Variants in ABL1 observed in about 807,000 individuals in gnomAD.
ABL1 encodes the protein tyrosine-protein kinase ABL1.
Under a neutral mutation model 94.7 loss-of-function variants are expected in ABL1, and 11 were observed. The ratio of observed to expected loss-of-function variants is 0.12; its 90% CI spans 0.07 to 0.19. The LOEUF (loss-of-function observed/expected upper bound fraction) is 0.19. Ranked by LOEUF, ABL1 falls within the 10% of genes least tolerant of loss-of-function variation. ABL1 has a pLI of 1.00. For synonymous variants in ABL1, 656 were observed against 622.4 expected (o/e 1.05, Z -0.80); for missense variants, 1,082 against 1,489.4 (o/e 0.73, Z 4.50).
chr9:130,873,638 T>A (rs531561951), intron 6 of ABL1, among the ~76,000 whole-genome samples: 4 of 152,264 alleles, frequency 2.6e-5, no homozygotes, highest in Non-Finnish European at 5.9e-5. Flanking sequence ...CTTTGCTGTT[T>A]TAAACCCTGA....
At chr9:130,768,681 G>T (rs182288060) in intron 1 of ABL1, among the ~76,000 whole-genome samples, 97 of 152,342 alleles carry the variant, frequency 6.4e-4, no homozygotes, top group African/African-American at 2.2e-3. Context: ...TTGAAGGAAC[G>T]AATTAGTGCA....
At chr9:130,713,582 C>T (rs2132660397) in exon 1 of ABL1, among the ~76,000 whole-genome samples, 1 of 152,332 alleles carries the variant, frequency 6.6e-6, no homozygotes, top group East Asian at 1.9e-4. Flanking sequence ...CTCCCCTTCC[C>T]CCAAGGTGGC....
chr9:130,735,214 G>C (rs375336188), intron 1 of ABL1, among the ~76,000 whole-genome samples: 2 of 151,992 alleles, frequency 1.3e-5, no homozygotes, highest in African/African-American at 4.8e-5. Context: ...ATTTTTAGTA[G>C]CGATGGGGTT....
At chr9:130,735,937 A>G (rs1472575965) in intron 1 of ABL1, among the ~76,000 whole-genome samples, 1 of 33,022 alleles carries the variant, frequency 3.0e-5, no homozygotes, top group Non-Finnish European at 5.0e-5. Context: ...GTGTGTGCAT[A>G]TATATATATA....
At position 130,868,591 on chromosome 9, in the gene ABL1, T is replaced by C. The variant is rs139609789; in HGVS notation, c.823-3538T>C. Among the ~76,000 whole-genome samples, 389 of 145,346 alleles carry C rather than the reference T, an allele frequency of 2.7e-3. 2 individuals carry two copies. Among genetic ancestry groups the C allele is most frequent in the African/African-American group, 9.7e-3 (379 of 39,020 alleles). The stretch of plus-strand genomic sequence containing the variant: ...CAGGCTGGAGTGCAGTGGCATGATC[T>C]CAGTTCACTGCAACGGCCTCCCAGG... On this transcript the variant is annotated intron_variant, in intron 4 of 10. Coordinates refer to ENST00000318560, the MANE Select transcript of ABL1 (RefSeq NM_005157.6).
chr9:130,834,830 C>T (rs1476070037), upstream of ABL1: 1 of 452,118 alleles, frequency 2.2e-6, no homozygotes, highest in East Asian at 7.1e-5. Flanking sequence ...AGAAATGAGA[C>T]CAGTTAGTAT....
intron 1 of ABL1, among the ~76,000 whole-genome samples, chr9:130,757,536 CTT>C (rs11411714): frequency 9.8e-6 from 1 of 101,888 alleles, no homozygotes; most frequent in Non-Finnish European, 1.8e-5. Flanking sequence ...TACTCCAGGC[CTT>C]TTTTTTTTTT....
chr9:130,785,257 C>T (rs1226046749), intron 1 of ABL1, among the ~76,000 whole-genome samples: 1 of 152,090 alleles, frequency 6.6e-6, no homozygotes, highest in Non-Finnish European at 1.5e-5. Flanking sequence ...TGCAAGATGC[C>T]CAGAAACACA....
chr9:130,805,393 A>G (rs941443922), intron 1 of ABL1, among the ~76,000 whole-genome samples: 1 of 152,198 alleles, frequency 6.6e-6, no homozygotes, highest in Non-Finnish European at 1.5e-5. Flanking sequence ...AACATTTTCA[A>G]AGTGGCACAT....
rs1188458463 is a variant in ABL1 at position 130,835,708 on chromosome 9, TTCTC to T, written c.79+187_79+190del. 6.6e-6 allele frequency among the ~76,000 whole-genome samples: 1 copy of T among 152,114 alleles called. No homozygotes were observed. Among genetic ancestry groups the T allele is most frequent in the Non-Finnish European group, 1.5e-5 (1 of 68,000 alleles). On this transcript the variant is annotated intron_variant, in intron 1 of 10. Coordinates refer to ENST00000318560, the MANE Select transcript of ABL1 (RefSeq NM_005157.6). This position sits in a 1 kb window ranked among gnomAD's most constrained non-coding sequence, Gnocchi z 4.6. ...TCTCTTATATTCTGTCTCTCTTTCT[TTCTC>T]TCTGTGTCTGTCTCTTTTCTCTTCT...
chr9:130,725,582 A>G (rs1039040563), intron 1 of ABL1, among the ~76,000 whole-genome samples: 3 of 151,432 alleles, frequency 2.0e-5, no homozygotes, highest in African/African-American at 7.3e-5. Flanking sequence ...GTTTCTCCAT[A>G]TTGGTCAGGC....
chr9:130,784,140 C>T (rs942288717), intron 1 of ABL1, among the ~76,000 whole-genome samples: 1 of 152,068 alleles, frequency 6.6e-6, no homozygotes, highest in Non-Finnish European at 1.5e-5. Flanking sequence ...AATCAGGGTA[C>T]ATCTTAAAAG....
Position 130,886,428 on chromosome 9 carries a change from C to T in ABL1, c.*745C>T. Reference sequence around the variant, plus strand: ...CTGTCCACATCCCCAGAGCCCAGCTCTTGCTCTCTTGTGACGTGCACTGTG... The same window carrying T: ...CTGTCCACATCCCCAGAGCCCAGCTTTTGCTCTCTTGTGACGTGCACTGTG... On this transcript the variant is annotated 3_prime_UTR_variant, in exon 11 of 11. Transcript: ENST00000318560. The T allele has an allele frequency of 4.3e-6, 1 of 233,680 alleles. No individual in the cohort carries two copies. The highest frequency in any genetic ancestry group is 8.5e-6 in the Non-Finnish European group (1 of 118,084). 14.5% of individuals were successfully genotyped at this position (233,680 alleles called of 1,614,324 possible). A position where few individuals can be genotyped will look rare whatever the true frequency, so the allele number is the denominator to read the frequency against.
At chr9:130,800,928 C>CTTTTTTTTTT (rs5900906) in intron 1 of ABL1, among the ~76,000 whole-genome samples, 3 of 128,760 alleles carry the variant, frequency 2.3e-5, no homozygotes, top group Non-Finnish European at 3.4e-5. Context: ...TTTTTCTTTC[C>CTTTTTTTTTT]TTTTTTTTTT....
intron 7 of ABL1, 48 bp downstream of exon 7, chr9:130,875,100 G>GT (rs1260116373): frequency 3.2e-6 from 5 of 1,549,708 alleles, no homozygotes; most frequent in Non-Finnish European, 3.5e-6. Flanking sequence ...CTACAGGAGG[G>GT]TTTTTTTCTG....
intron 1 of ABL1, among the ~76,000 whole-genome samples, chr9:130,836,178 A>G (rs1457017077): frequency 6.6e-6 from 1 of 152,158 alleles, no homozygotes; most frequent in African/African-American, 2.4e-5. Context: ...GAGCCCATTT[A>G]AGAAGGCGTT....
At chr9:130,879,679 CAT>C (rs1469930203) in intron 8 of ABL1, among the ~76,000 whole-genome samples, 1 of 152,176 alleles carries the variant, frequency 6.6e-6, no homozygotes, top group Non-Finnish European at 1.5e-5. Context: ...GTTTAGTCCT[CAT>C]GTTAGTCTCA....
rs541411251 is a variant in ABL1, at chr9:130,720,459, G to T, written c.136+6004G>T. On this transcript the variant is annotated intron_variant, in intron 1 of 10. Coordinates refer to the ABL1 transcript ENST00000372348. ...GATGCAGAAACCTGAGGCAGAGCTT[G>T]CTAGTTTCAAGGAGCAGCCTAGAGG... Among the ~76,000 whole-genome samples, 5 of 152,290 alleles carry T rather than the reference G, an allele frequency of 3.3e-5. No homozygotes were observed. In the South Asian group the frequency reaches 6.2e-4, roughly 19 times the overall value.
intron 7 of ABL1, 69 bp downstream of exon 7, chr9:130,875,121 G>C (rs979916798): frequency 6.8e-7 from 1 of 1,480,018 alleles, no homozygotes; most frequent in Admixed American, 2.1e-5. Flanking sequence ...CCTCTTTCTT[G>C]CTCTTCCCTT....
Sources: allele counts gnomAD v4.1 joint callset (sites outside exome capture counted in the v4.1 genomes callset), GRCh38; gene constraint gnomAD v4.1.1; non-coding constraint Gnocchi (gnomAD v3.1); transcripts MANE v1.5; gene names NCBI Gene and HGNC (gene_info 2026-07-23, HGNC 2026-07-21).